FSD1: variants seen among roughly 807,000 people sequenced by gnomAD.
The protein encoded by FSD1 is fibronectin type III and SPRY domain-containing protein 1.
FSD1 carries 23 observed loss-of-function variants against 58.2 expected under a neutral mutation model. The ratio of observed to expected loss-of-function variants is 0.40; its 90% CI spans 0.28 to 0.56. The LOEUF (loss-of-function observed/expected upper bound fraction) is 0.56, where lower values mean the gene tolerates loss of function less well. Among genes scored for constraint, FSD1 ranks in the 20% least tolerant of loss-of-function variants. FSD1 has a pLI of 0.54. For synonymous variants in FSD1, 265 were observed against 263.4 expected, an observed-to-expected ratio of 1.01 and a Z score of -0.06; for missense variants, 563 against 670.8, an observed-to-expected ratio of 0.84 and a Z score of 1.78.
At chr19:4,305,100 C>G (rs978631110) in intron 1 of FSD1, among the ~76,000 whole-genome samples, 45 of 145,434 alleles carry the variant, frequency 3.1e-4, no homozygotes, top group African/African-American at 1.0e-3. Context: ...AGACGCCCCG[C>G]CAGCTCCGCA....
chr19:4,317,169 T>C lies in FSD1; in HGVS notation c.701-13T>C. 3 of 1,512,272 alleles carry C rather than the reference T, an allele frequency of 2.0e-6. No homozygotes were observed. Among genetic ancestry groups the C allele is most frequent in the African/African-American group, 1.4e-5 (1 of 73,042 alleles). 93.7% of individuals were successfully genotyped at this position (1,512,272 alleles called of 1,614,324 possible). ...ATAATACACAGTGTTGAAATGCCTCTCTTGCCTACCAGGTCTCAAGTTTGA... is the reference window on the plus strand; with the variant it reads ...ATAATACACAGTGTTGAAATGCCTCCCTTGCCTACCAGGTCTCAAGTTTGA... On this transcript the variant is annotated splice_polypyrimidine_tract_variant and intron_variant, in intron 7 of 12. Coordinates refer to ENST00000221856, the MANE Select transcript of FSD1 (RefSeq NM_024333.3).
At chr19:4,309,370 G>T (rs1971662661) in intron 4 of FSD1, among the ~76,000 whole-genome samples, 1 of 152,212 alleles carries the variant, frequency 6.6e-6, no homozygotes, top group Admixed American at 6.6e-5. Context: ...ATCCCAAAGA[G>T]TGCATGGGAC....
intron 7 of FSD1, among the ~76,000 whole-genome samples, chr19:4,314,556 G>C (rs553478894): frequency 1.4e-3 from 209 of 150,352 alleles, no homozygotes; most frequent in African/African-American, 5.0e-3. Flanking sequence ...GCCTGATCTC[G>C]GCTCACCGCA....
chr19:4,318,358 G>T lies in FSD1; in HGVS notation c.812G>T (p.Arg271Leu), dbSNP rs189542513. The change falls in exon 9 of 13, where the codon CGC (arginine) becomes CTC (leucine). Residue 271 changes from arginine (R) to leucine (L), a missense_variant. Transcript: ENST00000221856. ...VTLETPAFMF[R>L]LDASTSHQNL... ...TGCCCGGCCCCAGCGTTCATGTTCC[G>T]CCTGGATGCGTCCACATCCCACCAG... The T allele has an allele frequency of 6.2e-7, 1 of 1,613,580 alleles. No individual in the cohort carries two copies. Among genetic ancestry groups the T allele is most frequent in the Non-Finnish European group, 8.5e-7 (1 of 1,179,976 alleles).
chr19:4,318,092 C>G (rs1443498213), intron 8 of FSD1, among the ~76,000 whole-genome samples: 1 of 151,892 alleles, frequency 6.6e-6, no homozygotes, highest in Non-Finnish European at 1.5e-5. Context: ...CTTCGCGCTT[C>G]TGGCTCCATG....
rs1048769226 is a variant in FSD1 at position 4,323,580 on chromosome 19, T to C, written c.1428T>C (p.Ser476=). 1.1e-5 allele frequency: 17 copies of C among 1,612,588 alleles called. No individual in the cohort carries two copies. Among genetic ancestry groups the C allele is most frequent in the Non-Finnish European group, 1.4e-5 (17 of 1,179,692 alleles). The change falls in exon 13 of 13, where the codon AGT becomes AGC. Residue 476 remains serine (S), a synonymous_variant. Coordinates refer to ENST00000221856, the MANE Select transcript of FSD1 (RefSeq NM_024333.3). The surrounding 1 kb of genome is among the most constrained non-coding windows in gnomAD (Gnocchi z 7.7). ...FQVTTGLQVP[S]AVRCLQKRGS... is the part of the protein sequence containing the mutation. ...TGACGACAGGCCTGCAGGTCCCCAG[T>C]GCTGTGCGCTGCCTGCAAAAGCGAG...
Position 4,323,280 on chromosome 19 carries a change from G to A in FSD1, c.1291+43G>A. The A allele has an allele frequency of 6.2e-7, 1 of 1,607,868 alleles. No homozygotes were observed. The highest frequency in any genetic ancestry group is 8.5e-7 in the Non-Finnish European group (1 of 1,178,612). ...CTGCCGTCTCTGGCTGCCCCTGCCT[G>A]AGTCCCCTCCGTCTGCCCCCATCCC... On this transcript the variant is annotated intron_variant, in intron 11 of 12. Transcript: ENST00000221856. This position sits in a 1 kb window ranked among gnomAD's most constrained non-coding sequence, Gnocchi z 7.7.
chr19:4,318,448 A>G lies in FSD1; in HGVS notation c.902A>G (p.Lys301Arg). 1 of 1,613,784 alleles carries G rather than the reference A, an allele frequency of 6.2e-7. No individual in the cohort carries two copies. ...DAMGGKVQDI[K>R]AREKDGKGRT... ...ATGGGCGGGAAGGTGCAGGATATCA[A>G]GGCTCGCGAGAAAGATGGCAAGGGG... is the stretch of plus-strand genomic sequence containing the variant. Residue 301 changes from lysine to arginine, a missense_variant, in exon 9 of 13, where the codon AAG (lysine) becomes AGG (arginine). Transcript: ENST00000221856.
intron 4 of FSD1, among the ~76,000 whole-genome samples, chr19:4,309,889 A>G (rs1438143963): frequency 6.7e-5 from 10 of 148,210 alleles, no homozygotes; most frequent in Non-Finnish European, 3.0e-5. Context: ...AGCCTGAACG[A>G]CAGAGCAAGA....
At chr19:4,310,899 C>A in intron 6 of FSD1, 2 of 257,520 alleles carry the variant, frequency 7.8e-6, no homozygotes, top group Non-Finnish European at 1.5e-5. Context: ...CATGAGGCCC[C>A]GCCCTGGGGT....
chr19:4,317,138 C>T (rs1568381063), intron 7 of FSD1, 44 bp from the exon 8 acceptor site: 3 of 1,091,438 alleles, frequency 2.7e-6, no homozygotes, highest in South Asian at 2.5e-5. Context: ...CTCAGAGTCT[C>T]AGGGAATAAT....
In FSD1 at chr19:4,323,817, A is replaced by G; in HGVS notation, c.*174A>G. On this transcript the variant is annotated 3_prime_UTR_variant, in exon 13 of 13. Coordinates refer to ENST00000221856, the MANE Select transcript of FSD1 (RefSeq NM_024333.3). The surrounding 1 kb of genome is among the most constrained non-coding windows in gnomAD (Gnocchi z 7.7). ...GGGCCCTCTCCCCACCTCACCTCTT[A>G]ATAAAGGTCAGACACTGGCCAGGCG... 1.6e-6 allele frequency: 1 copy of G among 615,546 alleles called. No individual in the cohort carries two copies. The highest frequency in any genetic ancestry group is 2.9e-6 in the Non-Finnish European group (1 of 350,120). 38.1% of individuals were successfully genotyped at this position (615,546 alleles called of 1,614,324 possible).
chr19:4,304,720 C>A lies in FSD1; in HGVS notation c.-27C>A. 1 of 963,612 alleles carries A rather than the reference C, an allele frequency of 1.0e-6. No homozygotes were observed. Among genetic ancestry groups the A allele is most frequent in the Non-Finnish European group, 1.2e-6 (1 of 825,400 alleles). 59.7% of individuals were successfully genotyped at this position (963,612 alleles called of 1,614,324 possible). A position where few individuals can be genotyped will look rare whatever the true frequency, so the allele number is the denominator to read the frequency against. On this transcript the variant is annotated 5_prime_UTR_variant, in exon 1 of 13. Coordinates refer to ENST00000221856, the MANE Select transcript of FSD1 (RefSeq NM_024333.3). ...CCCAGCGTGCGCGGGGCCCGCGGGC[C>A]GGGCCGGGGTGACCTGGGCTGCAGC...
chr19:4,307,705 T>C (rs1452926226), intron 3 of FSD1, among the ~76,000 whole-genome samples, 177 bp from the exon 4 acceptor site: 2 of 152,182 alleles, frequency 1.3e-5, no homozygotes, highest in Admixed American at 6.6e-5. Context: ...CCAGGGATTC[T>C]GTTCTGCTCC....
chr19:4,307,519 C>G (rs530635018), intron 3 of FSD1, among the ~76,000 whole-genome samples: 1 of 152,254 alleles, frequency 6.6e-6, no homozygotes, highest in South Asian at 2.1e-4. Context: ...AGGTGCCCAC[C>G]ACCACACCCA....
chr19:4,314,938 T>A (rs551524832), intron 7 of FSD1, among the ~76,000 whole-genome samples: 17 of 152,362 alleles, frequency 1.1e-4, no homozygotes, highest in African/African-American at 4.1e-4. Flanking sequence ...CATGGCTTCC[T>A]GCCTTTGACA....
Position 4,317,195 on chromosome 19 carries a change from C to T in FSD1, c.714C>T (p.Asp238=). The change falls in exon 8 of 13, where the codon GAC becomes GAT. Residue 238 remains aspartate (D), a synonymous_variant. Coordinates refer to ENST00000221856, the MANE Select transcript of FSD1 (RefSeq NM_024333.3). The part of the protein sequence containing the change: ...TEYTLTGLKF[D]MKYMNFRVKA... ...CTTGCCTACCAGGTCTCAAGTTTGACATGAAATACATGAACTTCCGTGTGA... is the reference window on the plus strand; with the variant it reads ...CTTGCCTACCAGGTCTCAAGTTTGATATGAAATACATGAACTTCCGTGTGA... 6.2e-7 allele frequency: 1 copy of T among 1,607,862 alleles called. No homozygotes were observed.
At position 4,319,005 on chromosome 19, in the gene FSD1, G is replaced by C. The variant is rs1247403658; in HGVS notation, c.1039+54G>C. Reference sequence around the variant, plus strand: ...GGGAGTTTTGGGCAGGGGCCTAATGGTGGGGGTTGAGGGAGAACCTTTGCC... The same window carrying C: ...GGGAGTTTTGGGCAGGGGCCTAATGCTGGGGGTTGAGGGAGAACCTTTGCC... On this transcript the variant is annotated intron_variant, in intron 10 of 12. Coordinates refer to ENST00000221856, the MANE Select transcript of FSD1 (RefSeq NM_024333.3). 5 of 1,408,124 alleles carry C rather than the reference G, an allele frequency of 3.6e-6. No individual in the cohort carries two copies. In the African/African-American group the frequency reaches 7.1e-5, roughly 20 times the overall value. 87.2% of individuals were successfully genotyped at this position (1,408,124 alleles called of 1,614,324 possible). A position where few individuals can be genotyped will look rare whatever the true frequency, so the allele number is the denominator to read the frequency against.
At position 4,323,736 on chromosome 19, in the gene FSD1, G is replaced by T. The variant is rs1599544992; in HGVS notation, c.*93G>T. On this transcript the variant is annotated 3_prime_UTR_variant, in exon 13 of 13. Coordinates refer to ENST00000221856, the MANE Select transcript of FSD1 (RefSeq NM_024333.3). The surrounding 1 kb of genome is among the most constrained non-coding windows in gnomAD (Gnocchi z 7.7). Reference sequence around the variant, plus strand: ...CAGGCACCCTCCTCTGTCACTTGCTGCTTGGAGCCTTAACTCCAGATGGGG... The same window carrying T: ...CAGGCACCCTCCTCTGTCACTTGCTTCTTGGAGCCTTAACTCCAGATGGGG... 1.1e-6 allele frequency: 1 copy of T among 871,920 alleles called. No individual in the cohort carries two copies. The highest frequency in any genetic ancestry group is 2.7e-5 in the East Asian group (1 of 37,686). 54.0% of individuals were successfully genotyped at this position (871,920 alleles called of 1,614,324 possible).
Sources: gnomAD v4.1 joint callset for allele counts (sites outside exome capture counted in the v4.1 genomes callset) on GRCh38, gnomAD v4.1.1 for gene constraint, Gnocchi (gnomAD v3.1) non-coding constraint, MANE v1.5 for transcripts, NCBI Gene and HGNC (gene_info 2026-07-23, HGNC 2026-07-21) for gene names.